The following NR1H4 variants were observed in gnomAD, a reference collection of about 807,000 sequenced individuals.
NR1H4 encodes the protein nuclear receptor subfamily 1 group H member 4, also known as bile acid receptor.
Under a neutral mutation model 58.5 loss-of-function variants are expected in NR1H4, and 23 were observed. The ratio of observed to expected loss-of-function variants is 0.39; its 90% CI spans 0.28 to 0.56. The LOEUF (loss-of-function observed/expected upper bound fraction) is 0.56. Ranked by LOEUF, NR1H4 falls within the 20% of genes least tolerant of loss-of-function variation. The probability of loss-of-function intolerance (pLI) is 0.58; values close to 1 mark genes in which losing one functional copy is unlikely to be tolerated. For missense variants in NR1H4, 487 were observed against 576.9 expected (o/e 0.84, Z 1.60); for synonymous variants, 214 against 198.0 (o/e 1.08, Z -0.68).
chr12:100,503,322 A>G lies in NR1H4; in HGVS notation c.80-7456A>G, dbSNP rs889813610. ...CCGTAATGAAGTTAATCAGTAAACC[A>G]CACAACCTCTGTCCTCTCTCACTCC... On this transcript the variant is annotated intron_variant, in intron 3 of 10. Transcript: ENST00000392986. The G allele has an allele frequency of 6.5e-6, 10 of 1,544,046 alleles. No homozygotes were observed. The Admixed American group carries it at 7.7e-5, about 12-fold the overall frequency.
At chr12:100,552,944 A>G (rs891722984) in intron 9 of NR1H4, among the ~76,000 whole-genome samples, 5 of 151,198 alleles carry the variant, frequency 3.3e-5, no homozygotes, top group African/African-American at 1.2e-4. Context: ...TCTATGGAGC[A>G]CCCTTTATGG....
intron 9 of NR1H4, among the ~76,000 whole-genome samples, chr12:100,559,768 C>T (rs35729): frequency 0.48 from 73,624 of 151,958 alleles, 19,188 homozygotes; most frequent in Non-Finnish European, 0.61. Context: ...GGAATGCGAG[C>T]GCAGGGCGCA....
At position 100,524,297 on chromosome 12, in the gene NR1H4, G is replaced by A. The variant is rs372075387; in HGVS notation, c.446-8161G>A. On this transcript the variant is annotated intron_variant, in intron 4 of 10. Coordinates refer to ENST00000392986, the MANE Select transcript of NR1H4 (RefSeq NM_001206979.2). ...AAAGGTTTAACCCCACAGAGCAAAC[G>A]AATTCACTTGGGCTCAGGTAGCTAC... Among the ~76,000 whole-genome samples the A allele has an allele frequency of 1.4e-4, 22 of 152,268 alleles. No homozygotes were observed. The East Asian group carries it at 3.3e-3, about 23-fold the overall frequency.
At chr12:100,507,047 T>C (rs1336859661) in intron 3 of NR1H4, among the ~76,000 whole-genome samples, 1 of 152,154 alleles carries the variant, frequency 6.6e-6, no homozygotes, top group African/African-American at 2.4e-5. Context: ...AGAATTGTCA[T>C]ATGAGGAGAA....
intron 3 of NR1H4, among the ~76,000 whole-genome samples, chr12:100,502,721 G>T (rs1162358342): frequency 3.3e-5 from 5 of 152,128 alleles, no homozygotes; most frequent in Non-Finnish European, 5.9e-5. Flanking sequence ...TCAATAAATT[G>T]CATGAGATAT....
At chr12:100,501,673 T>C (rs1953837754) in intron 3 of NR1H4, among the ~76,000 whole-genome samples, 1 of 152,220 alleles carries the variant, frequency 6.6e-6, no homozygotes, top group Non-Finnish European at 1.5e-5. Context: ...GTGAAGGCTA[T>C]AGAAATGTCT....
At chr12:100,524,284 C>T (rs183330744) in intron 4 of NR1H4, among the ~76,000 whole-genome samples, 15 of 152,210 alleles carry the variant, frequency 9.9e-5, no homozygotes, top group African/African-American at 3.4e-4. Context: ...AGGTTTAACC[C>T]CACAGAGCAA....
At chr12:100,517,463 G>A (rs1390161969) in intron 4 of NR1H4, among the ~76,000 whole-genome samples, 1 of 152,030 alleles carries the variant, frequency 6.6e-6, no homozygotes, top group Non-Finnish European at 1.5e-5. Flanking sequence ...CCCCTATCTT[G>A]GCCATTGTGA....
Position 100,540,669 on chromosome 12 carries a change from T to C in NR1H4, c.932-3T>C. ...TACCAATTTGATTATCATCATTACC[T>C]AGGATTTCAGACTTTGGACCATGAA... On this transcript the variant is annotated splice_polypyrimidine_tract_variant and splice_region_variant and intron_variant, in intron 8 of 10. Transcript: ENST00000392986. 6.2e-7 allele frequency: 1 copy of C among 1,614,090 alleles called. No individual in the cohort carries two copies. Among genetic ancestry groups the C allele is most frequent in the Non-Finnish European group, 8.5e-7 (1 of 1,179,908 alleles).
chr12:100,494,433 A>G (rs1228279796), intron 3 of NR1H4, among the ~76,000 whole-genome samples: 5 of 152,224 alleles, frequency 3.3e-5, no homozygotes, highest in African/African-American at 4.8e-5. Flanking sequence ...TCCAGTGCAT[A>G]TTTAGTAGGC....
chr12:100,499,796 T>G (rs1953793408), intron 3 of NR1H4: 2 of 454,630 alleles, frequency 4.4e-6, no homozygotes, highest in African/African-American at 4.0e-5. Flanking sequence ...TCTTGAGTGC[T>G]TTATAGAAAT....
At chr12:100,553,181 G>A (rs1258240039) in intron 9 of NR1H4, among the ~76,000 whole-genome samples, 1 of 152,120 alleles carries the variant, frequency 6.6e-6, no homozygotes, top group Non-Finnish European at 1.5e-5. Context: ...TGTATTTTTA[G>A]TAGAGATGGG....
At chr12:100,518,949 A>G (rs1011306539) in intron 4 of NR1H4, among the ~76,000 whole-genome samples, 1 of 151,876 alleles carries the variant, frequency 6.6e-6, no homozygotes, top group African/African-American at 2.4e-5. Flanking sequence ...CACCATGCCC[A>G]GCTAATTTTT....
At chr12:100,543,314 G>A (rs966774327) in intron 9 of NR1H4, among the ~76,000 whole-genome samples, 11 of 152,156 alleles carry the variant, frequency 7.2e-5, no homozygotes, top group African/African-American at 2.4e-4. Context: ...AGTAATAGGA[G>A]AGATGGAAGA....
chr12:100,506,028 CACACACACACACACAGAG>C (rs911421130), intron 3 of NR1H4, among the ~76,000 whole-genome samples: 10 of 146,992 alleles, frequency 6.8e-5, no homozygotes, highest in African/African-American at 2.7e-4. Flanking sequence ...CACACACACA[CACACACACACACACAGAG>C]AGAGAGAGAG....
intron 9 of NR1H4, among the ~76,000 whole-genome samples, chr12:100,548,602 G>A (rs990903344): frequency 5.3e-5 from 8 of 151,942 alleles, no homozygotes; most frequent in Non-Finnish European, 7.4e-5. Context: ...GCAACTATCC[G>A]GTAGCAATGG....
Position 100,489,283 on chromosome 12 carries a change from A to T in NR1H4, c.-189-3220A>T, listed in dbSNP as rs147417100. On this transcript the variant is annotated intron_variant, in intron 1 of 10. Coordinates refer to ENST00000392986, the MANE Select transcript of NR1H4 (RefSeq NM_001206979.2). ...CCTCTAACACTACTTTGATTGTTTG[A>T]ATCCCTTCTGTTCTTTGTTTCAGGC... Among the ~76,000 whole-genome samples, 347 of 152,314 alleles carry T rather than the reference A, an allele frequency of 2.3e-3. 4 individuals carry two copies. The highest frequency in any genetic ancestry group is 7.8e-3 in the African/African-American group (326 of 41,574).
chr12:100,498,628 CAAACA>C (rs1290053691), intron 3 of NR1H4, among the ~76,000 whole-genome samples: 1 of 151,298 alleles, frequency 6.6e-6, no homozygotes. Flanking sequence ...AAAAACCAAA[CAAACA>C]AAACAAGAAA....
chr12:100,481,295 A>C (rs930074067), intron 1 of NR1H4, among the ~76,000 whole-genome samples: 1 of 152,230 alleles, frequency 6.6e-6, no homozygotes, highest in East Asian at 1.9e-4. Context: ...TTAGTCACGG[A>C]GAAAGCATTC....
Sources: allele counts gnomAD v4.1 joint callset (sites outside exome capture counted in the v4.1 genomes callset), GRCh38; gene constraint gnomAD v4.1.1; transcripts MANE v1.5; gene names NCBI Gene and HGNC (gene_info 2026-07-23, HGNC 2026-07-21).